RORA: variants seen among roughly 807,000 people sequenced by gnomAD.
RORA encodes the protein nuclear receptor ROR-alpha.
RORA carries 7 observed loss-of-function variants against 69.5 expected under a neutral mutation model. The observed-to-expected ratio is 0.10, with a 90% CI of 0.06 to 0.19. The LOEUF (loss-of-function observed/expected upper bound fraction) is 0.19, where lower values mean the gene tolerates loss of function less well. Ranked by LOEUF, RORA falls within the 10% of genes least tolerant of loss-of-function variation. The probability of loss-of-function intolerance (pLI) is 1.00; values close to 1 mark genes in which losing one functional copy is unlikely to be tolerated. For synonymous variants in RORA, 261 were observed against 240.8 expected, an observed-to-expected ratio of 1.08 and a Z score of -0.78; for missense variants, 457 against 663.0, an observed-to-expected ratio of 0.69 and a Z score of 3.41.
chr15:60,576,355 T>C (rs574912262), intron 2 of RORA, among the ~76,000 whole-genome samples: 2 of 152,274 alleles, frequency 1.3e-5, no homozygotes, highest in Admixed American at 1.3e-4. Flanking sequence ...CCAAAACACA[T>C]TTGCTCCCAC....
chr15:60,795,319 C>T (rs764682219), intron 1 of RORA, among the ~76,000 whole-genome samples: 2 of 152,244 alleles, frequency 1.3e-5, no homozygotes, highest in Admixed American at 6.5e-5. Flanking sequence ...GTGCTCACCA[C>T]GAAACAACAA....
intron 1 of RORA, among the ~76,000 whole-genome samples, chr15:60,859,626 G>GT (rs1033133204): frequency 1.4e-5 from 2 of 142,966 alleles, no homozygotes; most frequent in Non-Finnish European, 3.1e-5. Flanking sequence ...CGACACCCGG[G>GT]TTTTTTTTCT....
chr15:60,864,471 T>C (rs114842052), intron 1 of RORA, among the ~76,000 whole-genome samples: 2,302 of 146,152 alleles, frequency 0.016, 61 homozygotes, highest in African/African-American at 0.054. Context: ...CGTCCTTTCA[T>C]GTTACCATCC....
intron 1 of RORA, among the ~76,000 whole-genome samples, chr15:61,107,971 C>G (rs149467544): frequency 6.6e-6 from 1 of 152,162 alleles, no homozygotes; most frequent in East Asian, 1.9e-4. Context: ...CTGTATTGAC[C>G]AGTTGCCAGA....
At chr15:60,558,157 C>A in intron 2 of RORA, 1 of 1,176,764 alleles carries the variant, frequency 8.5e-7, no homozygotes, top group Non-Finnish European at 1.3e-6. Flanking sequence ...GAGGCAAACA[C>A]AAGACTGGGC....
At chr15:60,653,781 A>T (rs1452748094) in intron 2 of RORA, among the ~76,000 whole-genome samples, 4 of 148,520 alleles carry the variant, frequency 2.7e-5, no homozygotes, top group Admixed American at 6.7e-5. Context: ...ACCTTGTCTC[A>T]TTTTTTTTTT....
At chr15:60,861,642 C>A (rs1372952880) in intron 1 of RORA, among the ~76,000 whole-genome samples, 1 of 152,180 alleles carries the variant, frequency 6.6e-6, no homozygotes, top group Non-Finnish European at 1.5e-5. Flanking sequence ...GTGCGAGCCA[C>A]CATGCCTGGC....
At chr15:60,970,815 G>A (rs1375403227) in intron 1 of RORA, among the ~76,000 whole-genome samples, 2 of 151,930 alleles carry the variant, frequency 1.3e-5, no homozygotes, top group African/African-American at 4.8e-5. Flanking sequence ...CTTTGTGTTG[G>A]TCTCAGGTAT....
At chr15:60,969,366 T>A (rs147538918) in intron 1 of RORA, among the ~76,000 whole-genome samples, 1 of 152,272 alleles carries the variant, frequency 6.6e-6, no homozygotes, top group East Asian at 1.9e-4. Flanking sequence ...CTATCATTAT[T>A]TCTTTGAGAC....
chr15:61,214,168 G>A (rs1567040530), intron 1 of RORA: 2 of 152,336 alleles, frequency 1.3e-5, no homozygotes, highest in East Asian at 1.9e-4. Context: ...AAACCAGAGT[G>A]TGTTTGCTAC....
chr15:61,012,657 C>CTT (rs34216558), intron 1 of RORA, among the ~76,000 whole-genome samples: 28 of 150,346 alleles, frequency 1.9e-4, no homozygotes, highest in Admixed American at 4.0e-4. Context: ...CAAGTTATCA[C>CTT]TTTTTTTTTT....
chr15:60,952,471 T>C (rs1427119398), intron 1 of RORA, among the ~76,000 whole-genome samples: 1 of 151,688 alleles, frequency 6.6e-6, no homozygotes, highest in Admixed American at 6.6e-5. Context: ...AAATAAAGGG[T>C]ATTCAATTAG....
chr15:60,819,588 G>C (rs1270098401), intron 1 of RORA, among the ~76,000 whole-genome samples: 1 of 152,114 alleles, frequency 6.6e-6, no homozygotes, highest in Non-Finnish European at 1.5e-5. Flanking sequence ...CAGCATCTCT[G>C]CTGCTGGCGC....
At chr15:60,940,576 A>G (rs961017177) in intron 1 of RORA, among the ~76,000 whole-genome samples, 5 of 152,308 alleles carry the variant, frequency 3.3e-5, no homozygotes, top group African/African-American at 1.2e-4. Flanking sequence ...ATTGTTTCAG[A>G]TGGTGGTTAT....
At chr15:60,734,221 G>A (rs2071468833) in intron 1 of RORA, among the ~76,000 whole-genome samples, 1 of 152,062 alleles carries the variant, frequency 6.6e-6, no homozygotes, top group South Asian at 2.1e-4. Context: ...AACAGCATCA[G>A]CATCACCTGG....
intron 2 of RORA, among the ~76,000 whole-genome samples, chr15:60,654,566 T>G (rs1567142944): frequency 6.6e-6 from 1 of 152,174 alleles, no homozygotes; most frequent in Non-Finnish European, 1.5e-5. Context: ...GTCCACATCT[T>G]AATTCCCGGA....
Position 60,868,024 on chromosome 15 carries a change from T to C in RORA, c.167-189338A>G, listed in dbSNP as rs142482395. On this transcript the variant is annotated intron_variant, in intron 1 of 10. Coordinates refer to ENST00000335670, the MANE Select transcript of RORA (RefSeq NM_134261.3). Reference sequence around the variant, plus strand: ...TTTGCCATTGTTATATATCAGAAGTTTCCTTCTATTTTCCCCAAATAGCTC... The same window carrying C: ...TTTGCCATTGTTATATATCAGAAGTCTCCTTCTATTTTCCCCAAATAGCTC... 4.1e-3 allele frequency among the ~76,000 whole-genome samples: 622 copies of C among 152,350 alleles called. 4 individuals carry two copies. Among genetic ancestry groups the C allele is most frequent in the African/African-American group, 0.014 (586 of 41,574 alleles).
intron 1 of RORA, among the ~76,000 whole-genome samples, chr15:61,040,509 C>T (rs542911080): frequency 5.3e-5 from 8 of 151,754 alleles, no homozygotes; most frequent in African/African-American, 7.3e-5. Flanking sequence ...CATTTCCTTC[C>T]GGGCTTTATT....
At chr15:60,938,741 A>ATT (rs11430762) in intron 1 of RORA, among the ~76,000 whole-genome samples, 34 of 151,900 alleles carry the variant, frequency 2.2e-4, no homozygotes, top group African/African-American at 8.0e-4. Flanking sequence ...TCTAAAAAAA[A>ATT]TTTTTTTTAA....
Sources: gnomAD v4.1 joint callset for allele counts (sites outside exome capture counted in the v4.1 genomes callset) on GRCh38, gnomAD v4.1.1 for gene constraint, MANE v1.5 for transcripts, NCBI Gene and HGNC (gene_info 2026-07-23, HGNC 2026-07-21) for gene names.